The following MCCC2 variants were observed in gnomAD, a reference collection of about 807,000 sequenced individuals.
MCCC2 encodes the protein methylcrotonoyl-CoA carboxylase beta chain, mitochondrial.
Under a neutral mutation model 77.2 loss-of-function variants are expected in MCCC2, and 52 were observed. That is an observed-to-expected ratio of 0.67 (90% CI 0.54 to 0.85). The LOEUF is 0.85. MCCC2 is among the 40% of genes least tolerant of loss of function. The pLI is 0.00. For missense variants in MCCC2, 682 were observed against 703.2 expected (o/e 0.97, Z 0.34); for synonymous variants, 253 against 248.4 (o/e 1.02, Z -0.18).
rs761700756 is a variant in MCCC2 at position 71,656,748 on chromosome 5, G to A, written c.1580G>A (p.Trp527Ter). ...TTTTTTTGTTCTTTTGTCAGGGTAT[G>A]GGATGATGGGATCATTGATCCAGCA... The part of the protein sequence containing the change: ...GNPYYSSARV[W>*]DDGIIDPADT... The change falls in exon 17 of 17, where the codon TGG (tryptophan) becomes TAG (stop). Residue 527 changes from tryptophan (W) to a stop codon, truncating the protein, a stop_gained. Coordinates refer to ENST00000340941, the MANE Select transcript of MCCC2 (RefSeq NM_022132.5). LOFTEE classifies it high-confidence loss of function. 2.5e-6 allele frequency: 4 copies of A among 1,613,054 alleles called. No individual in the cohort carries two copies. The highest frequency in any genetic ancestry group is 1.1e-5 in the South Asian group (1 of 91,056).
chr5:71,600,701 A>C (rs1362743322), intron 4 of MCCC2, among the ~76,000 whole-genome samples: 1 of 152,250 alleles, frequency 6.6e-6, no homozygotes, highest in Non-Finnish European at 1.5e-5. Flanking sequence ...CAAATTAAGC[A>C]AAAAAGAGGA....
intron 6 of MCCC2, among the ~76,000 whole-genome samples, chr5:71,607,491 C>T (rs376203624): frequency 0.023 from 3,256 of 141,588 alleles, 48 homozygotes; most frequent in South Asian, 0.067. Context: ...GTCTTGCTAG[C>T]GGTCTATCAA....
chr5:71,635,062 A>G lies in MCCC2; in HGVS notation c.903+20A>G, dbSNP rs1195927699. The G allele has an allele frequency of 6.2e-7, 1 of 1,613,396 alleles. No individual in the cohort carries two copies. Among genetic ancestry groups the G allele is most frequent in the Non-Finnish European group, 8.5e-7 (1 of 1,179,366 alleles). ...TTGGATGTGAGTACGATATGTTCTT[A>G]TATCTTTTATTTTCCTGAAATGCAT... On this transcript the variant is annotated intron_variant, in intron 9 of 16. Coordinates refer to ENST00000340941, the MANE Select transcript of MCCC2 (RefSeq NM_022132.5).
At chr5:71,611,705 C>G (rs1467627240) in intron 6 of MCCC2, among the ~76,000 whole-genome samples, 1 of 152,046 alleles carries the variant, frequency 6.6e-6, no homozygotes, top group Non-Finnish European at 1.5e-5. Context: ...CAGTGGTTGC[C>G]TCTGAGGTGG....
At chr5:71,630,706 T>A (rs879918973) in intron 7 of MCCC2, among the ~76,000 whole-genome samples, 2 of 152,184 alleles carry the variant, frequency 1.3e-5, no homozygotes, top group Non-Finnish European at 2.9e-5. Context: ...CAGAAGGATA[T>A]TTAAGACAAA....
intron 1 of MCCC2, 88 bp from the exon 2 acceptor site, chr5:71,592,838 G>GTT (rs371137817): frequency 2.7e-3 from 2,244 of 816,112 alleles, no homozygotes; most frequent in Middle Eastern, 3.4e-3. Context: ...ACAGACCACT[G>GTT]TTTTTTTTTT....
At chr5:71,646,177 C>T (rs752295719) in intron 12 of MCCC2, 34 bp from the exon 13 acceptor site, 2 of 1,584,182 alleles carry the variant, frequency 1.3e-6, no homozygotes, top group Non-Finnish European at 1.7e-6. Context: ...AGTTAATTCC[C>T]TTTTAAAAAG....
rs776559643 is a variant in MCCC2, at chr5:71,626,762, A to G, written c.738+9A>G. Reference sequence around the variant, plus strand: ...TGGCAGGACCCCCCTTGGTAAGAACATAAGAACGTTGGTCGATGGAAATTA... The same window carrying G: ...TGGCAGGACCCCCCTTGGTAAGAACGTAAGAACGTTGGTCGATGGAAATTA... On this transcript the variant is annotated intron_variant, in intron 7 of 16. Coordinates refer to ENST00000340941, the MANE Select transcript of MCCC2 (RefSeq NM_022132.5). 99 of 1,611,472 alleles carry G rather than the reference A, an allele frequency of 6.1e-5. 1 individual carries two copies. In the Admixed American group the frequency reaches 1.4e-3, roughly 22 times the overall value.
chr5:71,644,056 TGTGTGTGTGTGTGTGCGC>T (rs1162883551), intron 12 of MCCC2, among the ~76,000 whole-genome samples, 161 bp downstream of exon 12: 34 of 147,454 alleles, frequency 2.3e-4, no homozygotes, highest in Admixed American at 2.1e-3. Flanking sequence ...TGTGTGTGTG[TGTGTGTGTGTGTGTGCGC>T]GCGTGTGTAT....
Position 71,635,230 on chromosome 5 carries a change from G to C in MCCC2, c.983G>C (p.Ser328Thr). The C allele has an allele frequency of 6.2e-7, 1 of 1,614,142 alleles. No individual in the cohort carries two copies. Among genetic ancestry groups the C allele is most frequent in the Middle Eastern group, 1.7e-4 (1 of 6,060 alleles). The change falls in exon 10 of 17, where the codon AGC (serine) becomes ACC (threonine). Residue 328 changes from serine to threonine, a missense_variant. Coordinates refer to ENST00000340941, the MANE Select transcript of MCCC2 (RefSeq NM_022132.5). ...ATAGTTGGTGCTAACCTTAAGAGGAGCTTTGATGTCCGAGAGGTATGTGAA... is the reference window on the plus strand; with the variant it reads ...ATAGTTGGTGCTAACCTTAAGAGGACCTTTGATGTCCGAGAGGTATGTGAA... ...YGIVGANLKR[S>T]FDVREVIARI...
Position 71,599,707 on chromosome 5 carries a change from C to A in MCCC2, c.330C>A (p.Asp110Glu). Reference protein sequence around the residue: ...LSQFAGYQLYDNEEVPGGGII... With the variant: ...LSQFAGYQLYENEEVPGGGII... Reference sequence around the variant, plus strand: ...AGTTTGCAGGTTACCAGTTATATGACAATGAGGAGGTGCCAGGAGGTGGCA... The same window carrying A: ...AGTTTGCAGGTTACCAGTTATATGAAAATGAGGAGGTGCCAGGAGGTGGCA... Residue 110 changes from aspartate (D) to glutamate (E), a missense_variant, in exon 4 of 17, where the codon GAC (aspartate) becomes GAA (glutamate). Coordinates refer to ENST00000340941, the MANE Select transcript of MCCC2 (RefSeq NM_022132.5). 1 of 1,614,074 alleles carries A rather than the reference C, an allele frequency of 6.2e-7. No homozygotes were observed. The highest frequency in any genetic ancestry group is 8.5e-7 in the Non-Finnish European group (1 of 1,179,990).
intron 13 of MCCC2, among the ~76,000 whole-genome samples, chr5:71,646,755 G>T (rs114004321): frequency 2.6e-5 from 4 of 152,304 alleles, no homozygotes; most frequent in South Asian, 4.1e-4. Context: ...ACTCCTGTGT[G>T]TGCACAGCCA....
intron 1 of MCCC2, 33 bp downstream of exon 1, chr5:71,587,587 G>C: frequency 6.5e-7 from 1 of 1,529,368 alleles, no homozygotes; most frequent in Non-Finnish European, 8.8e-7. Flanking sequence ...CTGGCCGCCG[G>C]TGCCAGGCTA....
intron 10 of MCCC2, among the ~76,000 whole-genome samples, chr5:71,636,953 T>G (rs1175280091): frequency 6.6e-6 from 1 of 151,850 alleles, no homozygotes; most frequent in East Asian, 2.0e-4. Context: ...CATGTTGGTC[T>G]GGCTTTTCTC....
At chr5:71,651,755 C>A (rs747305841) in intron 15 of MCCC2, among the ~76,000 whole-genome samples, 3 of 152,104 alleles carry the variant, frequency 2.0e-5, no homozygotes, top group Admixed American at 2.0e-4. Flanking sequence ...TGCTTTTGTG[C>A]GAGTGGTTGG....
chr5:71,631,679 T>C (rs1327008999), intron 7 of MCCC2, among the ~76,000 whole-genome samples: 1 of 151,912 alleles, frequency 6.6e-6, no homozygotes, highest in Non-Finnish European at 1.5e-5. Flanking sequence ...TAGCTGGGAC[T>C]ACAGGCGCCC....
intron 7 of MCCC2, among the ~76,000 whole-genome samples, chr5:71,628,440 C>G (rs1200117988): frequency 6.6e-6 from 1 of 152,090 alleles, no homozygotes; most frequent in African/African-American, 2.4e-5. Context: ...GGTGTCTTAT[C>G]CAAGAAGCCT....
intron 1 of MCCC2, 82 bp downstream of exon 1, chr5:71,587,636 G>T: frequency 1.3e-6 from 2 of 1,493,226 alleles, no homozygotes; most frequent in South Asian, 1.2e-5. Context: ...AACAACTGCT[G>T]CTCTCTTGTC....
chr5:71,641,248 G>A (rs1747114597), intron 11 of MCCC2, 173 bp downstream of exon 11: 1 of 648,964 alleles, frequency 1.5e-6, no homozygotes, highest in Non-Finnish European at 2.7e-6. Flanking sequence ...TAGCTTAATG[G>A]CTTCATGGAT....
Sources: allele counts gnomAD v4.1 joint callset (sites outside exome capture counted in the v4.1 genomes callset), GRCh38; gene constraint gnomAD v4.1.1; transcripts MANE v1.5; gene names NCBI Gene and HGNC (gene_info 2026-07-23, HGNC 2026-07-21).